IFT88: variants seen among roughly 807,000 people sequenced by gnomAD.
IFT88 encodes the protein intraflagellar transport protein 88 homolog.
In IFT88, 74 loss-of-function variants were observed where a neutral mutation model predicts 119.5. The observed-to-expected ratio is 0.62, with a 90% CI of 0.51 to 0.75. IFT88 has a LOEUF of 0.75. Ranked by LOEUF, IFT88 falls within the 30% of genes least tolerant of loss-of-function variation. The pLI is 0.00. For missense variants in IFT88, 961 were observed against 977.7 expected (o/e 0.98, Z 0.23); for synonymous variants, 279 against 316.7 (o/e 0.88, Z 1.26).
At chr13:20,656,034 G>A (rs1206239524) in intron 21 of IFT88, among the ~76,000 whole-genome samples, 2 of 150,608 alleles carry the variant, frequency 1.3e-5, no homozygotes, top group Non-Finnish European at 2.9e-5. Flanking sequence ...TTTCAGCTCA[G>A]GAGTTTATAG....
chr13:20,585,511 CTAGACTT>C (rs1566081515), intron 3 of IFT88, among the ~76,000 whole-genome samples: 1 of 152,220 alleles, frequency 6.6e-6, no homozygotes, highest in Non-Finnish European at 1.5e-5. Context: ...GAATCCTACT[CTAGACTT>C]TGGCATTCAG....
At chr13:20,668,362 TTC>T (rs1228736466) in intron 23 of IFT88, among the ~76,000 whole-genome samples, 1 of 123,584 alleles carries the variant, frequency 8.1e-6, no homozygotes, top group Non-Finnish European at 2.0e-5. Flanking sequence ...CAGTTGAGAT[TTC>T]TTTTTTTTTT....
chr13:20,665,728 G>A (rs758571748), intron 23 of IFT88, among the ~76,000 whole-genome samples: 4 of 152,192 alleles, frequency 2.6e-5, no homozygotes, highest in Non-Finnish European at 5.9e-5. Context: ...ATGATCTGCC[G>A]TGCATATGGA....
chr13:20,668,633 G>A (rs1456164844), intron 23 of IFT88, among the ~76,000 whole-genome samples: 3 of 152,152 alleles, frequency 2.0e-5, no homozygotes, highest in Non-Finnish European at 4.4e-5. Flanking sequence ...TGCACAGGAG[G>A]ATGATGAAGG....
chr13:20,677,848 G>C (rs1422436530), intron 24 of IFT88, among the ~76,000 whole-genome samples: 2 of 152,132 alleles, frequency 1.3e-5, no homozygotes, highest in African/African-American at 4.8e-5. Context: ...TTTAAGAAGA[G>C]ATTTGAAAAA....
chr13:20,657,762 A>AAAATAAATAAAT (rs532121643), intron 22 of IFT88, among the ~76,000 whole-genome samples: 199 of 151,150 alleles, frequency 1.3e-3, no homozygotes, highest in African/African-American at 4.7e-3. Flanking sequence ...ATTCTGTCTC[A>AAAATAAATAAAT]AAATAAATAA....
At position 20,588,803 on chromosome 13, in the gene IFT88, A is replaced by G. The variant is rs193047702; in HGVS notation, c.154-1008A>G. Among the ~76,000 whole-genome samples, 432 of 152,326 alleles carry G rather than the reference A, an allele frequency of 2.8e-3. 8 individuals are homozygous for G. The highest frequency in any genetic ancestry group is 5.7e-4 in the Non-Finnish European group (39 of 68,014). ...TAGGAATCCATGGTCACCTTAATCC[A>G]GTCGGGTTTGAGATGATTCTGAATT... is the stretch of plus-strand genomic sequence containing the variant. On this transcript the variant is annotated intron_variant, in intron 3 of 25. Coordinates refer to ENST00000351808, the MANE Select transcript of IFT88 (RefSeq NM_006531.5).
chr13:20,661,077 C>A (rs1421628781), intron 22 of IFT88, among the ~76,000 whole-genome samples: 1 of 152,120 alleles, frequency 6.6e-6, no homozygotes, highest in African/African-American at 2.4e-5. Context: ...ACAGATATAT[C>A]AACTTGATTT....
chr13:20,679,813 A>G (rs2057118882), intron 24 of IFT88, among the ~76,000 whole-genome samples: 1 of 152,162 alleles, frequency 6.6e-6, no homozygotes, highest in Non-Finnish European at 1.5e-5. Flanking sequence ...ATAACTCCTT[A>G]TGTTTAGCTC....
intron 24 of IFT88, among the ~76,000 whole-genome samples, chr13:20,672,232 T>TA (rs1441185556): frequency 2.0e-5 from 3 of 152,156 alleles, no homozygotes; most frequent in Non-Finnish European, 4.4e-5. Context: ...AGTAGGCAGT[T>TA]ACAGCCATCA....
chr13:20,675,175 A>G (rs2056505081), intron 24 of IFT88, among the ~76,000 whole-genome samples: 1 of 152,088 alleles, frequency 6.6e-6, no homozygotes, highest in South Asian at 2.1e-4. Context: ...GGAGGTGCAT[A>G]GGCCTAAATG....
intron 23 of IFT88, among the ~76,000 whole-genome samples, chr13:20,667,792 A>G (rs2055001393): frequency 6.6e-6 from 1 of 152,080 alleles, no homozygotes; most frequent in African/African-American, 2.4e-5. Context: ...CCCAAGCTGT[A>G]TAAGCTTCTG....
chr13:20,643,656 T>C (rs2050296510), intron 19 of IFT88, 51 bp downstream of exon 19: 2 of 1,341,212 alleles, frequency 1.5e-6, no homozygotes, highest in South Asian at 1.4e-5. Context: ...TTATGAATTG[T>C]TATAAAGAAG....
intron 1 of IFT88, chr13:20,568,099 A>G (rs1478621217): frequency 1.5e-6 from 1 of 686,934 alleles, no homozygotes; most frequent in East Asian, 2.7e-5. Context: ...GTCCTGTGCC[A>G]CGTGCGGGCC....
chr13:20,644,153 G>A (rs1378959723), intron 19 of IFT88, among the ~76,000 whole-genome samples: 1 of 152,138 alleles, frequency 6.6e-6, no homozygotes, highest in Non-Finnish European at 1.5e-5. Context: ...GATTGCTTAA[G>A]ACCAAGAGAT....
intron 20 of IFT88, among the ~76,000 whole-genome samples, chr13:20,651,392 T>C (rs1175159701): frequency 6.7e-6 from 1 of 148,154 alleles, no homozygotes; most frequent in Non-Finnish European, 1.5e-5. Flanking sequence ...CCAAAGGAAT[T>C]GAAAGCTGAG....
intron 20 of IFT88, among the ~76,000 whole-genome samples, chr13:20,647,417 A>T (rs1306245343): frequency 6.6e-6 from 1 of 152,170 alleles, no homozygotes; most frequent in African/African-American, 2.4e-5. Flanking sequence ...CATATTCTTT[A>T]AATATTCTTT....
intron 9 of IFT88, among the ~76,000 whole-genome samples, chr13:20,597,461 G>A (rs1406799701): frequency 2.6e-5 from 4 of 152,042 alleles, no homozygotes; most frequent in Non-Finnish European, 5.9e-5. Context: ...TAAAAAATAT[G>A]TAGCCGGGTG....
chr13:20,638,202 A>C, intron 16 of IFT88, 130 bp from the exon 17 acceptor site: 1 of 494,964 alleles, frequency 2.0e-6, no homozygotes, highest in Non-Finnish European at 3.3e-6. Context: ...ATCAAGACCA[A>C]GATATGTAAA....
Sources: gnomAD v4.1 joint callset for allele counts (sites outside exome capture counted in the v4.1 genomes callset) on GRCh38, gnomAD v4.1.1 for gene constraint, MANE v1.5 for transcripts, NCBI Gene and HGNC (gene_info 2026-07-23, HGNC 2026-07-21) for gene names.